OSBPL5: variants seen among roughly 807,000 people sequenced by gnomAD.
OSBPL5 encodes oxysterol binding protein like 5.
Under a neutral mutation model 111.2 loss-of-function variants are expected in OSBPL5, and 71 were observed. That is an observed-to-expected ratio of 0.64 (90% CI 0.53 to 0.78). OSBPL5 has a LOEUF of 0.78. Among genes scored for constraint, OSBPL5 ranks in the 30% least tolerant of loss-of-function variants. OSBPL5 has a pLI of 0.00. For missense variants in OSBPL5, 1,210 were observed against 1,189.3 expected (o/e 1.02, Z -0.26); for synonymous variants, 549 against 513.9 (o/e 1.07, Z -0.93).
chr11:3,095,351 A>T (rs1455361411), intron 14 of OSBPL5, among the ~76,000 whole-genome samples: 2 of 151,974 alleles, frequency 1.3e-5, no homozygotes, highest in Admixed American at 1.3e-4. Context: ...AAGAAAAGCA[A>T]AGCAGGTCTG....
At chr11:3,101,930 G>C (rs1857473437) in intron 12 of OSBPL5, among the ~76,000 whole-genome samples, 1 of 152,228 alleles carries the variant, frequency 6.6e-6, no homozygotes, top group Non-Finnish European at 1.5e-5. Flanking sequence ...CCCATCGGGA[G>C]ATGGGACACA....
In OSBPL5 at chr11:3,142,966, G is replaced by A. The variant is rs1046617806; in HGVS notation, c.-21-13797C>T. Among the ~76,000 whole-genome samples, 51 of 146,480 alleles carry A rather than the reference G, an allele frequency of 3.5e-4. No individual in the cohort carries two copies. The highest frequency in any genetic ancestry group is 8.6e-4 in the African/African-American group (34 of 39,638). The stretch of plus-strand genomic sequence containing the variant: ...TGGGACCCAGCATCTGGGTCTGGAC[G>A]GTCCTGGAGCCTGCAGAGCAGGGCA... On this transcript the variant is annotated intron_variant, in intron 1 of 21. Transcript: ENST00000263650. The surrounding 1 kb of genome is among the most constrained non-coding windows in gnomAD (Gnocchi z 7.1).
In OSBPL5 at chr11:3,122,369, G is replaced by A. The variant is rs145004688; in HGVS notation, c.279C>T (p.Val93=). The change falls in exon 4 of 22, where the codon GTC becomes GTT. Residue 93 remains valine (V), a synonymous_variant. Coordinates refer to ENST00000263650, the MANE Select transcript of OSBPL5 (RefSeq NM_020896.4). The part of the protein sequence containing the change: ...DKECVSPTAR[V]TKKETLKAQK... Reference sequence around the variant, plus strand: ...TCACCTTGAGAGTCTCCTTCTTGGTGACCCTGGCGGTGGGGGACACACATT... The same window carrying A: ...TCACCTTGAGAGTCTCCTTCTTGGTAACCCTGGCGGTGGGGGACACACATT... 5.6e-6 allele frequency: 9 copies of A among 1,613,664 alleles called. No homozygotes were observed. The African/African-American group carries it at 8.0e-5, about 14-fold the overall frequency.
At position 3,087,581 on chromosome 11, in the gene OSBPL5, C is replaced by G. The variant is rs1298383812; in HGVS notation, c.*624G>C. Reference sequence around the variant, plus strand: ...GTGTGCCCCCACCAGAGCGAGCGTCCAGGTGTGGGGGTGGGGTGGTTCCAG... The same window carrying G: ...GTGTGCCCCCACCAGAGCGAGCGTCGAGGTGTGGGGGTGGGGTGGTTCCAG... On this transcript the variant is annotated 3_prime_UTR_variant, in exon 22 of 22. Coordinates refer to ENST00000263650, the MANE Select transcript of OSBPL5 (RefSeq NM_020896.4). 2 of 153,094 alleles carry G rather than the reference C, an allele frequency of 1.3e-5. No homozygotes were observed. The highest frequency in any genetic ancestry group is 2.4e-5 in the African/African-American group (1 of 41,474). The allele number at this position is 153,094 out of a possible 1,614,324, so 9.5% of individuals were successfully genotyped here.
chr11:3,138,596 C>T (rs1846016790), intron 1 of OSBPL5, among the ~76,000 whole-genome samples: 1 of 152,250 alleles, frequency 6.6e-6, no homozygotes. Context: ...TGGACACTCA[C>T]TTCCAGAAAA....
chr11:3,152,284 T>C (rs1260997960), intron 1 of OSBPL5, among the ~76,000 whole-genome samples: 2 of 152,222 alleles, frequency 1.3e-5, no homozygotes, highest in East Asian at 1.9e-4. Flanking sequence ...ACAGGTGACG[T>C]TGATTTTTTA....
intron 17 of OSBPL5, chr11:3,093,290 A>T: frequency 1.3e-6 from 1 of 761,792 alleles, no homozygotes; most frequent in Non-Finnish European, 2.1e-6. Context: ...CCTGTTGGTC[A>T]CTCGCCGGCA....
At position 3,100,269 on chromosome 11, in the gene OSBPL5, G is replaced by A. The variant is rs1401324352; in HGVS notation, c.1523-13C>T. 6.2e-7 allele frequency: 1 copy of A among 1,613,156 alleles called. No homozygotes were observed. The highest frequency in any genetic ancestry group is 8.5e-7 in the Non-Finnish European group (1 of 1,179,442). ...GACAGCGAGTTCCCTGCAGAGACAA[G>A]AGACAGCAGGACCAGTGAGTGCGGA... On this transcript the variant is annotated splice_polypyrimidine_tract_variant and intron_variant, in intron 13 of 21. Coordinates refer to ENST00000263650, the MANE Select transcript of OSBPL5 (RefSeq NM_020896.4).
intron 1 of OSBPL5, among the ~76,000 whole-genome samples, chr11:3,155,025 A>G (rs1846711222): frequency 6.6e-6 from 1 of 152,236 alleles, no homozygotes. Context: ...GGACACAGGC[A>G]CACAGAGGGA....
At chr11:3,128,032 G>A (rs1189446037) in intron 2 of OSBPL5, among the ~76,000 whole-genome samples, 3 of 152,186 alleles carry the variant, frequency 2.0e-5, no homozygotes, top group Admixed American at 6.5e-5. Flanking sequence ...CAGGGTGAAC[G>A]TGACAGCAGA....
Position 3,107,478 on chromosome 11 carries a change from G to T in OSBPL5, c.867-23C>A, listed in dbSNP as rs764190980. On this transcript the variant is annotated intron_variant, in intron 8 of 21. Coordinates refer to ENST00000263650, the MANE Select transcript of OSBPL5 (RefSeq NM_020896.4). The surrounding 1 kb of genome is among the most constrained non-coding windows in gnomAD (Gnocchi z 6.1). ...AGTCTGGAAGGTGGATGGTGCCAGTGGGTCCCTGTCACAGGTGAGAGCCCA... is the reference window on the plus strand; with the variant it reads ...AGTCTGGAAGGTGGATGGTGCCAGTTGGTCCCTGTCACAGGTGAGAGCCCA... 1.2e-6 allele frequency: 2 copies of T among 1,612,822 alleles called. No homozygotes were observed. Among genetic ancestry groups the T allele is most frequent in the Non-Finnish European group, 1.7e-6 (2 of 1,179,120 alleles).
Position 3,138,511 on chromosome 11 carries a change from A to G in OSBPL5, c.-21-9342T>C, listed in dbSNP as rs546096472. On this transcript the variant is annotated intron_variant, in intron 1 of 21. Transcript: ENST00000263650. Reference sequence around the variant, plus strand: ...AGGGGCCTGCTGGGATTGTGGACGCAATCTCAAACCCGCCACGCTGAGCCT... The same window carrying G: ...AGGGGCCTGCTGGGATTGTGGACGCGATCTCAAACCCGCCACGCTGAGCCT... Among the ~76,000 whole-genome samples, 14 of 152,366 alleles carry G rather than the reference A, an allele frequency of 9.2e-5. No homozygotes were observed. In the East Asian group the frequency reaches 2.7e-3, roughly 29 times the overall value.
At position 3,106,746 on chromosome 11, in the gene OSBPL5, G is replaced by C. The variant is rs1025899059; in HGVS notation, c.1059+517C>G. ...CTCACCTGCTCCCCAGCCTCCTCTTGTGTTTGTGGGTTTATCATCTATGTT... is the reference window on the plus strand; with the variant it reads ...CTCACCTGCTCCCCAGCCTCCTCTTCTGTTTGTGGGTTTATCATCTATGTT... On this transcript the variant is annotated intron_variant, in intron 9 of 21. Transcript: ENST00000263650. This position sits in a 1 kb window ranked among gnomAD's most constrained non-coding sequence, Gnocchi z 8.4. 2.0e-5 allele frequency among the ~76,000 whole-genome samples: 3 copies of C among 152,126 alleles called. No individual in the cohort carries two copies. Among genetic ancestry groups the C allele is most frequent in the Non-Finnish European group, 4.4e-5 (3 of 68,022 alleles).
chr11:3,092,918 T>G lies in OSBPL5; in HGVS notation c.2081A>C (p.Gln694Pro), dbSNP rs1857113742. The part of the protein sequence containing the change: ...RQESLMPWKP[Q>P]LFHLDPITQE... ...GGTGATGGGGTCCAGGTGGAACAGCTGCGGCTTCCAGGGCATGAGGCTCTC... is the reference window on the plus strand; with the variant it reads ...GGTGATGGGGTCCAGGTGGAACAGCGGCGGCTTCCAGGGCATGAGGCTCTC... Residue 694 changes from glutamine (Q) to proline (P), a missense_variant, in exon 18 of 22, where the codon CAG (glutamine) becomes CCG (proline). Transcript: ENST00000263650. The surrounding 1 kb of genome is among the most constrained non-coding windows in gnomAD (Gnocchi z 5.4). 7.7e-6 allele frequency: 12 copies of G among 1,567,860 alleles called. No homozygotes were observed. The highest frequency in any genetic ancestry group is 1.0e-5 in the Non-Finnish European group (12 of 1,156,392).
intron 19 of OSBPL5, among the ~76,000 whole-genome samples, chr11:3,091,786 G>C (rs988072236): frequency 2.6e-5 from 4 of 152,160 alleles, no homozygotes; most frequent in Admixed American, 2.0e-4. Flanking sequence ...GGCAAGCAAG[G>C]CCTCTCATCT....
chr11:3,092,951 T>A lies in OSBPL5; in HGVS notation c.2048A>T (p.Glu683Val). The A allele has an allele frequency of 6.3e-7, 1 of 1,587,722 alleles. No individual in the cohort carries two copies. Among genetic ancestry groups the A allele is most frequent in the Non-Finnish European group, 8.6e-7 (1 of 1,168,252 alleles). ...LEEAQRQRAR[E>V]RQESLMPWKP... The stretch of plus-strand genomic sequence containing the variant: ...CCAGGGCATGAGGCTCTCCTGCCGC[T>A]CACGGGCCCGCTGCCGCTGTGCCTC... Residue 683 changes from glutamate (E) to valine (V), a missense_variant, in exon 18 of 22, where the codon GAG (glutamate) becomes GTG (valine). Glu to Val is a moderately radical substitution (Grantham distance 121). Transcript: ENST00000263650. The surrounding 1 kb of genome is among the most constrained non-coding windows in gnomAD (Gnocchi z 5.4).
intron 7 of OSBPL5, among the ~76,000 whole-genome samples, chr11:3,119,166 C>A (rs752361132): frequency 6.6e-6 from 1 of 152,064 alleles, no homozygotes; most frequent in Admixed American, 6.5e-5. Context: ...CCTGCCACCA[C>A]GCCTGGCTAA....
chr11:3,093,575 C>T lies in OSBPL5; in HGVS notation c.1898G>A (p.Arg633Lys), dbSNP rs1347110156. The change falls in exon 17 of 22, where the codon AGG becomes AAG. Residue 633 changes from arginine (R) to lysine (K), a missense_variant. Transcript: ENST00000263650. ...CTCCTCCAGCGGCACCGTGTGCTGCCTCAGCCTCTGTCTGCGGACCTCCCC... is the reference window on the plus strand; with the variant it reads ...CTCCTCCAGCGGCACCGTGTGCTGCTTCAGCCTCTGTCTGCGGACCTCCCC... ...PSGEVRRQRL[R>K]QHTVPLEEQT... 4.3e-6 allele frequency: 7 copies of T among 1,612,194 alleles called. No individual in the cohort carries two copies. In the Admixed American group the frequency reaches 1.2e-4, roughly 27 times the overall value.
At chr11:3,156,884 G>GA (rs1254933969) in intron 1 of OSBPL5, among the ~76,000 whole-genome samples, 1 of 152,176 alleles carries the variant, frequency 6.6e-6, no homozygotes, top group African/African-American at 2.4e-5. Context: ...CACAGACGAG[G>GA]AAACTAAGGC....
Sources: gnomAD v4.1 joint callset for allele counts (sites outside exome capture counted in the v4.1 genomes callset) on GRCh38, gnomAD v4.1.1 for gene constraint, Gnocchi (gnomAD v3.1) non-coding constraint, MANE v1.5 for transcripts, NCBI Gene and HGNC (gene_info 2026-07-23, HGNC 2026-07-21) for gene names.